The following NARS2 variants were observed in gnomAD, a reference collection of about 807,000 sequenced individuals.
The protein encoded by NARS2 is asparaginyl-tRNA synthetase.
NARS2 carries 60 observed loss-of-function variants against 62.9 expected under a neutral mutation model. That is an observed-to-expected ratio of 0.95 (90% CI 0.77 to 1.18). The LOEUF (loss-of-function observed/expected upper bound fraction) is 1.18, where lower values mean the gene tolerates loss of function less well. NARS2 is among the 50% of genes most tolerant of loss of function. The pLI, the probability that NARS2 is intolerant of heterozygous loss-of-function variation, is 0.00. For missense variants in NARS2, 619 were observed against 576.4 expected, an observed-to-expected ratio of 1.07 and a Z score of -0.76; for synonymous variants, 196 against 200.0, an observed-to-expected ratio of 0.98 and a Z score of 0.17.
At chr11:78,465,419 C>T (rs759974579) in intron 11 of NARS2, among the ~76,000 whole-genome samples, 10 of 152,252 alleles carry the variant, frequency 6.6e-5, no homozygotes, top group South Asian at 2.1e-4. Context: ...GAGGAGGCGC[C>T]GAGAGCGAGA....
At chr11:78,465,062 C>T (rs995718343) in intron 11 of NARS2, among the ~76,000 whole-genome samples, 13 of 152,196 alleles carry the variant, frequency 8.5e-5, no homozygotes, top group African/African-American at 1.4e-4. Flanking sequence ...CAGGAGCCCA[C>T]GGAGGGGTGG....
chr11:78,453,674 TATCAG>T (rs1483771597), intron 11 of NARS2, among the ~76,000 whole-genome samples: 13 of 152,320 alleles, frequency 8.5e-5, no homozygotes, highest in African/African-American at 3.1e-4. Flanking sequence ...TACACACTAG[TATCAG>T]AAGAAAAAGA....
chr11:78,447,646 A>G (rs545681842), intron 11 of NARS2, among the ~76,000 whole-genome samples: 1 of 152,308 alleles, frequency 6.6e-6, no homozygotes. Flanking sequence ...ATATATATAC[A>G]CAATAAAATA....
At chr11:78,545,800 C>T (rs1011696636) in intron 5 of NARS2, among the ~76,000 whole-genome samples, 9 of 152,132 alleles carry the variant, frequency 5.9e-5, no homozygotes, top group Non-Finnish European at 1.2e-4. Context: ...GGCCTACCAA[C>T]GTGCTGGGAT....
At chr11:78,509,885 T>A (rs890853994) in intron 6 of NARS2, among the ~76,000 whole-genome samples, 5 of 151,880 alleles carry the variant, frequency 3.3e-5, no homozygotes, top group Admixed American at 6.6e-5. Context: ...TTTTGTATGT[T>A]ACTGAAGTTG....
intron 5 of NARS2, among the ~76,000 whole-genome samples, chr11:78,543,101 C>G (rs1296212335): frequency 6.6e-6 from 1 of 152,128 alleles, no homozygotes; most frequent in Non-Finnish European, 1.5e-5. Flanking sequence ...CTGCTTGAAC[C>G]CAGGAGGCAG....
chr11:78,470,299 T>C (rs1858812957), intron 9 of NARS2, among the ~76,000 whole-genome samples: 1 of 152,170 alleles, frequency 6.6e-6, no homozygotes, highest in Non-Finnish European at 1.5e-5. Flanking sequence ...AATAGGTAAC[T>C]TGTCTACATA....
At chr11:78,516,680 G>C (rs991382504) in intron 6 of NARS2, among the ~76,000 whole-genome samples, 3 of 152,170 alleles carry the variant, frequency 2.0e-5, no homozygotes, top group Non-Finnish European at 4.4e-5. Flanking sequence ...AGTAACAGAA[G>C]CTAAGACAAC....
At chr11:78,476,126 T>C (rs938961989) in intron 9 of NARS2, among the ~76,000 whole-genome samples, 4 of 152,198 alleles carry the variant, frequency 2.6e-5, no homozygotes, top group South Asian at 2.1e-4. Context: ...TCAAACCAGA[T>C]AGACTTTCCT....
chr11:78,476,085 A>T (rs774038245), intron 9 of NARS2, among the ~76,000 whole-genome samples: 9 of 152,184 alleles, frequency 5.9e-5, no homozygotes, highest in Admixed American at 3.3e-4. Flanking sequence ...GTGGATGCTG[A>T]GGCTAGGTGG....
chr11:78,464,247 G>A (rs1169910924), intron 11 of NARS2, among the ~76,000 whole-genome samples: 1 of 152,044 alleles, frequency 6.6e-6, no homozygotes, highest in South Asian at 2.1e-4. Flanking sequence ...GCAGATCTTC[G>A]CGGTGAGTGT....
At chr11:78,461,180 G>C (rs1288679516) in intron 11 of NARS2, among the ~76,000 whole-genome samples, 1 of 152,128 alleles carries the variant, frequency 6.6e-6, no homozygotes, top group Non-Finnish European at 1.5e-5. Flanking sequence ...CAGAGAAGAA[G>C]TCTGGATTAG....
At chr11:78,532,213 G>A (rs1861506908) in intron 5 of NARS2, among the ~76,000 whole-genome samples, 1 of 152,016 alleles carries the variant, frequency 6.6e-6, no homozygotes, top group African/African-American at 2.4e-5. Context: ...TTTATCAGTG[G>A]GGAAGGATTT....
At chr11:78,568,427 G>A (rs774797705) in intron 3 of NARS2, among the ~76,000 whole-genome samples, 4 of 152,120 alleles carry the variant, frequency 2.6e-5, no homozygotes, top group African/African-American at 9.7e-5. Flanking sequence ...ACACCACAGA[G>A]ATGCAAAAAT....
chr11:78,522,482 C>A (rs909740694), intron 6 of NARS2, among the ~76,000 whole-genome samples: 2 of 152,112 alleles, frequency 1.3e-5, no homozygotes, highest in South Asian at 4.1e-4. Flanking sequence ...TTTGGACCAT[C>A]CCATTTTCTA....
intron 3 of NARS2, among the ~76,000 whole-genome samples, chr11:78,566,693 A>C (rs111968221): frequency 6.6e-6 from 1 of 152,196 alleles, no homozygotes; most frequent in Non-Finnish European, 1.5e-5. Flanking sequence ...AAAATTACCT[A>C]TATGTCTTGA....
At chr11:78,460,904 T>C (rs1436332205) in intron 11 of NARS2, among the ~76,000 whole-genome samples, 1 of 152,216 alleles carries the variant, frequency 6.6e-6, no homozygotes, top group Non-Finnish European at 1.5e-5. Flanking sequence ...CATGTACAGA[T>C]TTTTTTCTTG....
At chr11:78,506,945 AC>A (rs1189076961) in intron 6 of NARS2, among the ~76,000 whole-genome samples, 2 of 152,194 alleles carry the variant, frequency 1.3e-5, no homozygotes, top group African/African-American at 2.4e-5. Flanking sequence ...AGCTCTTAGC[AC>A]AGTAGCAGTT....
At chr11:78,525,327 A>C (rs1369512094) in intron 6 of NARS2, among the ~76,000 whole-genome samples, 1 of 152,146 alleles carries the variant, frequency 6.6e-6, no homozygotes, top group Non-Finnish European at 1.5e-5. Flanking sequence ...CTGACTATAA[A>C]AAAAATAAAA....
Sources: gnomAD v4.1 joint callset for allele counts (sites outside exome capture counted in the v4.1 genomes callset) on GRCh38, gnomAD v4.1.1 for gene constraint, MANE v1.5 for transcripts, NCBI Gene and HGNC (gene_info 2026-07-23, HGNC 2026-07-21) for gene names.